Variants in ABTB3 observed in about 807,000 individuals in gnomAD.
ABTB3 encodes ankyrin repeat and BTB domain containing 3, also known as ankyrin repeat- and BTB/POZ domain-containing protein 3.
At chr12:107,592,734 A>G in the ABTB3 span, among the ~76,000 whole-genome samples, 1 of 152,242 alleles carries the variant, frequency 6.6e-6, no homozygotes, top group Non-Finnish European at 1.5e-5. Context: ...TAAAGCATGC[A>G]TAGGAATGAC....
chr12:107,512,764 A>G, the ABTB3 span, among the ~76,000 whole-genome samples: 3 of 152,236 alleles, frequency 2.0e-5, no homozygotes, highest in African/African-American at 7.2e-5. Context: ...GTTTTATTGC[A>G]TTCCCTATAA....
At chr12:107,409,502 A>G in the ABTB3 span, among the ~76,000 whole-genome samples, 14 of 152,340 alleles carry the variant, frequency 9.2e-5, no homozygotes, top group Admixed American at 2.0e-4. Flanking sequence ...GTGAATATAT[A>G]CACCATGGAA....
the ABTB3 span, chr12:107,612,915 G>C: frequency 1.9e-6 from 3 of 1,570,034 alleles, no homozygotes; most frequent in Admixed American, 1.7e-5. Context: ...GCAGTCCCCA[G>C]GGGAAAGCGA....
chr12:107,525,324 C>CAAAAAAAAAAAAAAAAAAAA, the ABTB3 span, among the ~76,000 whole-genome samples: 40 of 34,886 alleles, frequency 1.1e-3, no homozygotes, highest in African/African-American at 1.9e-3. Context: ...AAGATCCTGT[C>CAAAAAAAAAAAAAAAAAAAA]AAAAAAAAAA....
chr12:107,383,635 G>A, the ABTB3 span, among the ~76,000 whole-genome samples: 1 of 152,192 alleles, frequency 6.6e-6, no homozygotes, highest in African/African-American at 2.4e-5. Flanking sequence ...AAGGGGACAG[G>A]CGCCTGTTCT....
chr12:107,643,476 G>C, the ABTB3 span, among the ~76,000 whole-genome samples: 2 of 151,356 alleles, frequency 1.3e-5, no homozygotes, highest in Non-Finnish European at 2.9e-5. Context: ...CTGAGGTCAG[G>C]AGAGTAGTGA....
chr12:107,332,844 G>A, the ABTB3 span, among the ~76,000 whole-genome samples: 1 of 152,198 alleles, frequency 6.6e-6, no homozygotes, highest in Non-Finnish European at 1.5e-5. Context: ...CTACAGATTT[G>A]CCACTGCTGA....
the ABTB3 span, among the ~76,000 whole-genome samples, chr12:107,415,146 A>G: frequency 1.3e-5 from 2 of 151,986 alleles, no homozygotes; most frequent in African/African-American, 2.4e-5. Flanking sequence ...TCCTGTTTTC[A>G]CATTGCTGGC....
chr12:107,597,501 C>A, the ABTB3 span, among the ~76,000 whole-genome samples: 5 of 152,152 alleles, frequency 3.3e-5, no homozygotes, highest in Non-Finnish European at 7.3e-5. Context: ...AGCCCACTCC[C>A]ATGATAATAG....
chr12:107,365,128 C>T, the ABTB3 span, among the ~76,000 whole-genome samples: 8 of 152,202 alleles, frequency 5.3e-5, no homozygotes, highest in African/African-American at 1.9e-4. Flanking sequence ...GGTTATTGAA[C>T]CTTTCTTAGA....
chr12:107,648,379 T>TA, the ABTB3 span, among the ~76,000 whole-genome samples: 40 of 61,196 alleles, frequency 6.5e-4, no homozygotes, highest in Admixed American at 1.8e-3. Context: ...AGACCCCATC[T>TA]CCACACACAC....
At chr12:107,629,472 C>A in the ABTB3 span, among the ~76,000 whole-genome samples, 1 of 152,190 alleles carries the variant, frequency 6.6e-6, no homozygotes, top group African/African-American at 2.4e-5. Context: ...TGTATGACCA[C>A]ACAGTTCTGA....
At chr12:107,510,237 G>A in the ABTB3 span, among the ~76,000 whole-genome samples, 1 of 152,144 alleles carries the variant, frequency 6.6e-6, no homozygotes. Flanking sequence ...TTACATTCTG[G>A]GGTCACTTAA....
chr12:107,649,738 T>C, the ABTB3 span: 4 of 164,552 alleles, frequency 2.4e-5, no homozygotes, highest in South Asian at 5.1e-4. Flanking sequence ...TTCCAAGATA[T>C]AGAAGCTGAG....
the ABTB3 span, chr12:107,580,707 G>T: frequency 1.1e-6 from 1 of 942,800 alleles, no homozygotes; most frequent in South Asian, 1.8e-5. Flanking sequence ...AGTGCTAGCG[G>T]ACACCTTAGG....
chr12:107,596,873 G>T, the ABTB3 span, among the ~76,000 whole-genome samples: 2 of 152,060 alleles, frequency 1.3e-5, no homozygotes, highest in African/African-American at 4.8e-5. Context: ...TTTGAGAATC[G>T]CTGGGTTGCT....
the ABTB3 span, among the ~76,000 whole-genome samples, chr12:107,336,921 A>G: frequency 6.6e-6 from 1 of 152,210 alleles, no homozygotes. Flanking sequence ...GCAAATCCAG[A>G]GCTTGTTGCT....
the ABTB3 span, among the ~76,000 whole-genome samples, chr12:107,429,443 T>G: frequency 1.3e-5 from 2 of 152,242 alleles, no homozygotes; most frequent in Admixed American, 1.3e-4. Flanking sequence ...TTCACTGGGA[T>G]GTAGGGAAAT....
the ABTB3 span, among the ~76,000 whole-genome samples, chr12:107,470,795 C>T: frequency 9.8e-4 from 150 of 152,298 alleles, 1 homozygote; most frequent in Admixed American, 4.3e-3. Context: ...GTGGCCAGAG[C>T]GAGGGGAGTG....
Sources: allele counts gnomAD v4.1 joint callset (sites outside exome capture counted in the v4.1 genomes callset), GRCh38; gene constraint gnomAD v4.1.1; transcripts MANE v1.5; gene names NCBI Gene and HGNC (gene_info 2026-07-23, HGNC 2026-07-21).